The following NR5A2 variants were observed in gnomAD, a reference collection of about 807,000 sequenced individuals.
NR5A2 encodes the protein nuclear receptor subfamily 5 group A member 2.
NR5A2 carries 26 observed loss-of-function variants against 62.7 expected under a neutral mutation model. The observed-to-expected ratio is 0.41, with a 90% CI of 0.30 to 0.58. The LOEUF (loss-of-function observed/expected upper bound fraction) is 0.58, where lower values mean the gene tolerates loss of function less well. Among genes scored for constraint, NR5A2 ranks in the 20% least tolerant of loss-of-function variants. The pLI is 0.22. For synonymous variants in NR5A2, 246 were observed against 241.7 expected, an observed-to-expected ratio of 1.02 and a Z score of -0.16; for missense variants, 541 against 669.1, an observed-to-expected ratio of 0.81 and a Z score of 2.11.
chr1:200,147,617 A>G lies in NR5A2; in HGVS notation c.1379-26346A>G. ...GGGCAGAGCACATTTTCGCACAGGC[A>G]GCGCCGCAGCTTGCCCTGGATCTTG... is the stretch of plus-strand genomic sequence containing the variant. On this transcript the variant is annotated intron_variant, in intron 7 of 7. Coordinates refer to ENST00000367362, the MANE Select transcript of NR5A2 (RefSeq NM_205860.3). This position sits in a 1 kb window ranked among gnomAD's most constrained non-coding sequence, Gnocchi z 4.9. The G allele has an allele frequency of 2.8e-6, 2 of 716,242 alleles. No individual in the cohort carries two copies. Among genetic ancestry groups the G allele is most frequent in the Non-Finnish European group, 5.2e-6 (2 of 382,832 alleles). The allele number at this position is 716,242 out of a possible 1,614,324, so 44.4% of individuals were successfully genotyped here.
At chr1:200,089,962 C>G (rs986145439) in intron 5 of NR5A2, among the ~76,000 whole-genome samples, 4 of 152,212 alleles carry the variant, frequency 2.6e-5, no homozygotes, top group African/African-American at 9.7e-5. Flanking sequence ...ATTGATTTGA[C>G]TAGTCTAAAT....
chr1:200,081,654 A>G (rs1217069543), intron 5 of NR5A2, among the ~76,000 whole-genome samples: 2 of 152,234 alleles, frequency 1.3e-5, no homozygotes, highest in Non-Finnish European at 2.9e-5. Flanking sequence ...CATTGAAAAC[A>G]GGATCTCAAT....
chr1:200,121,491 A>G (rs1198012778), intron 7 of NR5A2, among the ~76,000 whole-genome samples: 2 of 152,240 alleles, frequency 1.3e-5, no homozygotes, highest in African/African-American at 4.8e-5. Flanking sequence ...AGGGGAAAGG[A>G]TGATTCTTTA....
At chr1:200,165,878 G>A (rs1055027687) in intron 7 of NR5A2, among the ~76,000 whole-genome samples, 1 of 152,242 alleles carries the variant, frequency 6.6e-6, no homozygotes, top group Non-Finnish European at 1.5e-5. Context: ...GTTCAGTAGT[G>A]TTAAGTTCAT....
Position 200,027,738 on chromosome 1 carries a change from C to T in NR5A2, c.-110C>T, listed in dbSNP as rs1184458308. The T allele has an allele frequency of 1.7e-6, 1 of 597,580 alleles. No homozygotes were observed. The highest frequency in any genetic ancestry group is 2.9e-5 in the East Asian group (1 of 34,364). 37.0% of individuals were successfully genotyped at this position (597,580 alleles called of 1,614,324 possible). ...TTTTCTTAACTTTCACTAAGGGTTACTGTAGTCTGATGTGTCCTTCCCAAG... is the reference window on the plus strand; with the variant it reads ...TTTTCTTAACTTTCACTAAGGGTTATTGTAGTCTGATGTGTCCTTCCCAAG... On this transcript the variant is annotated 5_prime_UTR_variant, in exon 1 of 8. Coordinates refer to ENST00000367362, the MANE Select transcript of NR5A2 (RefSeq NM_205860.3).
At chr1:200,100,302 G>A (rs760139896) in intron 5 of NR5A2, among the ~76,000 whole-genome samples, 1 of 151,210 alleles carries the variant, frequency 6.6e-6, no homozygotes, top group Non-Finnish European at 1.5e-5. Flanking sequence ...ACTTCATTTA[G>A]CATCTTTCAT....
chr1:200,039,851 G>A lies in NR5A2; in HGVS notation c.202+56G>A. The stretch of plus-strand genomic sequence containing the variant: ...CCGCTGCTTCCCCACCCCCGGGCTC[G>A]CCCTGCAGGCTTCAGCCTCCCGCCC... On this transcript the variant is annotated intron_variant, in intron 2 of 7. Transcript: ENST00000367362. This position sits in a 1 kb window ranked among gnomAD's most constrained non-coding sequence, Gnocchi z 5.1. The A allele has an allele frequency of 1.9e-6, 3 of 1,543,028 alleles. No individual in the cohort carries two copies. The highest frequency in any genetic ancestry group is 2.3e-4 in the Middle Eastern group (1 of 4,424).
At chr1:200,066,026 G>A (rs1663450473) in intron 5 of NR5A2, among the ~76,000 whole-genome samples, 2 of 152,160 alleles carry the variant, frequency 1.3e-5, no homozygotes, top group South Asian at 4.1e-4. Context: ...GTTTGGAATA[G>A]GAAGCCATAG....
chr1:200,111,460 T>A, intron 6 of NR5A2, 139 bp downstream of exon 6: 1 of 896,324 alleles, frequency 1.1e-6, no homozygotes, highest in East Asian at 2.7e-5. Flanking sequence ...AAAAGATGAC[T>A]TGGTGCACTC....
intron 5 of NR5A2, among the ~76,000 whole-genome samples, chr1:200,052,066 A>T (rs1459296409): frequency 6.6e-6 from 1 of 152,184 alleles, no homozygotes. Flanking sequence ...TTTTTAAAAA[A>T]ATTCTGGTCA....
Position 200,159,603 on chromosome 1 carries a change from G to A in NR5A2, c.1379-14360G>A, listed in dbSNP as rs74323094. On this transcript the variant is annotated intron_variant, in intron 7 of 7. Transcript: ENST00000367362. ...TTTGTAGAGATTGTTGAATGCTTTC[G>A]TTCAACATTTTCATTTTGAAAAGAT... is the stretch of plus-strand genomic sequence containing the variant. Among the ~76,000 whole-genome samples, 391 of 151,810 alleles carry A rather than the reference G, an allele frequency of 2.6e-3. 1 individual carries two copies. Among genetic ancestry groups the A allele is most frequent in the African/African-American group, 8.6e-3 (355 of 41,420 alleles).
At chr1:200,063,648 AACC>A (rs948859524) in intron 5 of NR5A2, among the ~76,000 whole-genome samples, 141 of 152,312 alleles carry the variant, frequency 9.3e-4, no homozygotes, top group African/African-American at 3.3e-3. Flanking sequence ...GAAAGGATCA[AACC>A]ACATTACACC....
intron 5 of NR5A2, among the ~76,000 whole-genome samples, chr1:200,082,396 C>T (rs1160746106): frequency 6.6e-6 from 1 of 152,130 alleles, no homozygotes; most frequent in Non-Finnish European, 1.5e-5. Context: ...AGAAGAACAT[C>T]ACATTAGGTG....
chr1:200,147,554 T>C lies in NR5A2; in HGVS notation c.1379-26409T>C, dbSNP rs1056151788. The C allele has an allele frequency of 9.7e-5, 67 of 693,958 alleles. No homozygotes were observed. In the Middle Eastern group the frequency reaches 1.2e-3, roughly 12 times the overall value. 43.0% of individuals were successfully genotyped at this position (693,958 alleles called of 1,614,324 possible). On this transcript the variant is annotated intron_variant, in intron 7 of 7. Coordinates refer to ENST00000367362, the MANE Select transcript of NR5A2 (RefSeq NM_205860.3). This position sits in a 1 kb window ranked among gnomAD's most constrained non-coding sequence, Gnocchi z 4.9. The stretch of plus-strand genomic sequence containing the variant: ...TTCTGTGATTTCCTTGGTTTCTCCA[T>C]TGGTGTGCTTAAAGCGATCTCCTCT...
chr1:200,136,289 G>C (rs1667215301), intron 7 of NR5A2, among the ~76,000 whole-genome samples: 1 of 151,528 alleles, frequency 6.6e-6, no homozygotes, highest in East Asian at 1.9e-4. Flanking sequence ...TGCAATCTCT[G>C]CTCACCGCAA....
intron 5 of NR5A2, among the ~76,000 whole-genome samples, chr1:200,067,260 T>G (rs1042427096): frequency 6.6e-6 from 1 of 152,024 alleles, no homozygotes; most frequent in African/African-American, 2.4e-5. Context: ...ATATTCTCAC[T>G]TATAAGTGGG....
chr1:200,056,709 A>T (rs1662930552), intron 5 of NR5A2, among the ~76,000 whole-genome samples: 1 of 152,172 alleles, frequency 6.6e-6, no homozygotes, highest in East Asian at 1.9e-4. Context: ...ATATTTGGTA[A>T]GAGAGTAGTG....
Position 200,048,052 on chromosome 1 carries a change from C to G in NR5A2, c.464-120C>G. 1 of 936,646 alleles carries G rather than the reference C, an allele frequency of 1.1e-6. No individual in the cohort carries two copies. Among genetic ancestry groups the G allele is most frequent in the Non-Finnish European group, 1.6e-6 (1 of 633,198 alleles). 58.0% of individuals were successfully genotyped at this position (936,646 alleles called of 1,614,324 possible). A position where few individuals can be genotyped will look rare whatever the true frequency, so the allele number is the denominator to read the frequency against. On this transcript the variant is annotated intron_variant, in intron 4 of 7. Coordinates refer to ENST00000367362, the MANE Select transcript of NR5A2 (RefSeq NM_205860.3). This position sits in a 1 kb window ranked among gnomAD's most constrained non-coding sequence, Gnocchi z 4.8. ...GGGAAATCTTTGTGGGCTATTGTAA[C>G]GAAAACAACCACACACATACCACTT...
At chr1:200,145,515 T>TG in intron 7 of NR5A2, among the ~76,000 whole-genome samples, 1 of 134,224 alleles carries the variant, frequency 7.5e-6, no homozygotes, top group East Asian at 2.2e-4. Flanking sequence ...TGTGTGTGTG[T>TG]TATAAAGGTG....
Sources: allele counts gnomAD v4.1 joint callset (sites outside exome capture counted in the v4.1 genomes callset), GRCh38; gene constraint gnomAD v4.1.1; non-coding constraint Gnocchi (gnomAD v3.1); transcripts MANE v1.5; gene names NCBI Gene and HGNC (gene_info 2026-07-23, HGNC 2026-07-21).